Variants in PNPO observed in about 807,000 individuals in gnomAD.
PNPO encodes the protein pyridoxine-5'-phosphate oxidase.
Under a neutral mutation model 35.0 loss-of-function variants are expected in PNPO, and 39 were observed. The observed-to-expected ratio is 1.11, with a 90% CI of 0.86 to 1.45. The LOEUF is 1.45. Ranked by LOEUF, PNPO falls within the 40% of genes most tolerant of loss-of-function variation. The pLI is 0.00. For missense variants in PNPO, 288 were observed against 340.0 expected (o/e 0.85, Z 1.20); for synonymous variants, 115 against 119.8 (o/e 0.96, Z 0.26).
In PNPO at chr17:47,949,285, A is replaced by C. The variant is rs1483529820; in HGVS notation, c.*2503A>C. The C allele has an allele frequency of 6.6e-6, 1 of 152,242 alleles. No homozygotes were observed. The highest frequency in any genetic ancestry group is 1.5e-5 in the Non-Finnish European group (1 of 68,082). The allele number at this position is 152,242 out of a possible 1,614,324, so 9.4% of individuals were successfully genotyped here. On this transcript the variant is annotated 3_prime_UTR_variant, in exon 7 of 7. Coordinates refer to ENST00000642017, the MANE Select transcript of PNPO (RefSeq NM_018129.4). ...CCGTTACCGCCCCCAGTCTGTAATA[A>C]AAGCCTATCAGCCGTGCACTTTATT...
At position 47,946,721 on chromosome 17, in the gene PNPO, C is replaced by G. The variant is rs1313548105; in HGVS notation, c.725C>G (p.Pro242Arg). Reference protein sequence around the residue: ...FRRGLPTGDSPLGPMTHRGEE... With the variant: ...FRRGLPTGDSRLGPMTHRGEE... Reference sequence around the variant, plus strand: ...CGGGGCCTACCCACAGGAGATTCCCCTTTGGGGCCCATGACCCACCGCGGG... The same window carrying G: ...CGGGGCCTACCCACAGGAGATTCCCGTTTGGGGCCCATGACCCACCGCGGG... Residue 242 changes from proline (P) to arginine (R), a missense_variant, in exon 7 of 7, where the codon CCT (proline) becomes CGT (arginine). Transcript: ENST00000642017. 1.2e-6 allele frequency: 2 copies of G among 1,614,200 alleles called. No homozygotes were observed. The highest frequency in any genetic ancestry group is 1.7e-6 in the Non-Finnish European group (2 of 1,180,024).
At chr17:47,943,227 TG>T in intron 1 of PNPO, 78 bp from the exon 2 acceptor site, 1 of 1,204,680 alleles carries the variant, frequency 8.3e-7, no homozygotes, top group Non-Finnish European at 1.2e-6. Context: ...AGTTGATTTT[TG>T]AAAAGTGACT....
intron 1 of PNPO, chr17:47,942,031 A>G (rs1464543142): frequency 7.5e-7 from 1 of 1,325,966 alleles, no homozygotes; most frequent in African/African-American, 1.5e-5. Flanking sequence ...GATGGGTTCA[A>G]AAGGCAGCCT....
Position 47,945,974 on chromosome 17 carries a change from G to T in PNPO, c.531G>T (p.Val177=). The change falls in exon 5 of 7, where the codon GTG becomes GTT. Residue 177 remains valine (V), a synonymous_variant. Coordinates refer to ENST00000642017, the MANE Select transcript of PNPO (RefSeq NM_018129.4). The surrounding 1 kb of genome is among the most constrained non-coding windows in gnomAD (Gnocchi z 4.0). ...CTGTGGTCAGCCACCAGAGTTCTGT[G>T]ATCCCTGATCGGGAGGTGAGTGGAG... ...IGAVVSHQSS[V]IPDREYLRKK... is the part of the protein sequence containing the mutation. The T allele has an allele frequency of 6.2e-7, 1 of 1,613,984 alleles. No homozygotes were observed. Among genetic ancestry groups the T allele is most frequent in the South Asian group, 1.1e-5 (1 of 91,068 alleles).
Position 47,945,915 on chromosome 17 carries a change from T to C in PNPO, c.472T>C (p.Phe158Leu). ...GCCTGAGGAGGAGGCTGAGTGCTACTTCCACTCCCGCCCCAAGAGCAGCCA... is the reference window on the plus strand; with the variant it reads ...GCCTGAGGAGGAGGCTGAGTGCTACCTCCACTCCCGCCCCAAGAGCAGCCA... ...KLPEEEAECY[F>L]HSRPKSSQIG... Residue 158 changes from phenylalanine to leucine, a missense_variant, in exon 5 of 7, where the codon TTC (phenylalanine) becomes CTC (leucine). Transcript: ENST00000642017. This position sits in a 1 kb window ranked among gnomAD's most constrained non-coding sequence, Gnocchi z 4.0. 1 of 1,613,944 alleles carries C rather than the reference T, an allele frequency of 6.2e-7. No homozygotes were observed. Among genetic ancestry groups the C allele is most frequent in the Non-Finnish European group, 8.5e-7 (1 of 1,179,996 alleles).
chr17:47,944,667 T>C lies in PNPO; in HGVS notation c.315T>C (p.Asp105=), dbSNP rs1598198278. 2 of 1,614,160 alleles carry C rather than the reference T, an allele frequency of 1.2e-6. No individual in the cohort carries two copies. The highest frequency in any genetic ancestry group is 1.6e-4 in the Middle Eastern group (1 of 6,062). ...TGCTGCTGAAGGGCTTCGGGAAAGA[T>C]GGCTTCCGCTTCTTCACTAACTTCG... The part of the protein sequence containing the change: ...RMLLLKGFGK[D]GFRFFTNFES... Residue 105 remains aspartate (D), a synonymous_variant, in exon 3 of 7, where the codon GAT becomes GAC. Coordinates refer to ENST00000642017, the MANE Select transcript of PNPO (RefSeq NM_018129.4).
chr17:47,944,602 C>T lies in PNPO; in HGVS notation c.264-14C>T. On this transcript the variant is annotated splice_polypyrimidine_tract_variant and intron_variant, in intron 2 of 6. Coordinates refer to ENST00000642017, the MANE Select transcript of PNPO (RefSeq NM_018129.4). ...AGCAGACTCTGACCACAGTGCTCTGCTCTTTGCTCCTAGAGATGGAAAACC... is the reference window on the plus strand; with the variant it reads ...AGCAGACTCTGACCACAGTGCTCTGTTCTTTGCTCCTAGAGATGGAAAACC... The T allele has an allele frequency of 1.9e-6, 3 of 1,604,152 alleles. No homozygotes were observed. Among genetic ancestry groups the T allele is most frequent in the South Asian group, 1.1e-5 (1 of 90,836 alleles).
rs906297110 is a variant in PNPO at position 47,949,234 on chromosome 17, A to C, written c.*2452A>C. 6.6e-6 allele frequency: 1 copy of C among 152,348 alleles called. No homozygotes were observed. The highest frequency in any genetic ancestry group is 1.5e-5 in the Non-Finnish European group (1 of 68,170). The allele number at this position is 152,348 out of a possible 1,614,324, so 9.4% of individuals were successfully genotyped here. On this transcript the variant is annotated 3_prime_UTR_variant, in exon 7 of 7. Transcript: ENST00000642017. ...CCCCTAGCTTTGAGCCTGGTCTCAG[A>C]TGTTCCTTTTCCGTTCTCTGTCCAG...
Position 47,941,666 on chromosome 17 carries a change from GCGGCCCC to G in PNPO, c.-8_-2del, listed in dbSNP as rs2035935604. ...GGGCCACAGCCGGGTCACGTGGCCGGCGGCCCCCCATGACGTGCTGGCTGCGGGGCGT... is the reference window on the plus strand; with the variant it reads ...GGGCCACAGCCGGGTCACGTGGCCGGCCATGACGTGCTGGCTGCGGGGCGT... On this transcript the variant is annotated 5_prime_UTR_variant, in exon 1 of 7. Coordinates refer to ENST00000642017, the MANE Select transcript of PNPO (RefSeq NM_018129.4). The G allele has an allele frequency of 3.9e-6, 6 of 1,524,798 alleles. No individual in the cohort carries two copies. The South Asian group carries it at 7.2e-5, about 18-fold the overall frequency. 94.5% of individuals were successfully genotyped at this position (1,524,798 alleles called of 1,614,324 possible).
rs1297985528 is a variant in PNPO, at chr17:47,946,009, A to T, written c.546+20A>T. 1.2e-6 allele frequency: 2 copies of T among 1,613,324 alleles called. No homozygotes were observed. The highest frequency in any genetic ancestry group is 1.7e-6 in the Non-Finnish European group (2 of 1,179,984). Reference sequence around the variant, plus strand: ...CGGGAGGTGAGTGGAGCTCCGCTGTAGTCCTCCAGGTGGTGGAGGCTTTGG... The same window carrying T: ...CGGGAGGTGAGTGGAGCTCCGCTGTTGTCCTCCAGGTGGTGGAGGCTTTGG... On this transcript the variant is annotated intron_variant, in intron 5 of 6. Transcript: ENST00000642017.
intron 2 of PNPO, among the ~76,000 whole-genome samples, chr17:47,944,201 G>C (rs984339216): frequency 6.7e-3 from 86 of 12,824 alleles, no homozygotes; most frequent in African/African-American, 0.022. Flanking sequence ...ACTGCCTTTC[G>C]TGTGTGTGTG....
chr17:47,948,148 C>T lies in PNPO; in HGVS notation c.*1366C>T, dbSNP rs1263652546. The T allele has an allele frequency of 1.3e-5, 2 of 152,158 alleles. No individual in the cohort carries two copies. The highest frequency in any genetic ancestry group is 2.9e-5 in the Non-Finnish European group (2 of 68,040). 9.4% of individuals were successfully genotyped at this position (152,158 alleles called of 1,614,324 possible). On this transcript the variant is annotated 3_prime_UTR_variant, in exon 7 of 7. Coordinates refer to ENST00000642017, the MANE Select transcript of PNPO (RefSeq NM_018129.4). ...GTCCGTCAGGAATTTTGTAGAAGGG[C>T]TTCATGTGCTGGTACCAATAGGACA...
rs1650281473 is a variant in PNPO, at chr17:47,946,994, C to G, written c.*212C>G. On this transcript the variant is annotated 3_prime_UTR_variant, in exon 7 of 7. Transcript: ENST00000642017. ...AGTGTAATGGTGGCGTAGAGAATCA[C>G]AAATGGAAAATAATTCCATAATTAT... is the stretch of plus-strand genomic sequence containing the variant. 1 of 586,776 alleles carries G rather than the reference C, an allele frequency of 1.7e-6. No individual in the cohort carries two copies. Among genetic ancestry groups the G allele is most frequent in the Non-Finnish European group, 3.0e-6 (1 of 329,440 alleles). The allele number at this position is 586,776 out of a possible 1,614,324, so 36.3% of individuals were successfully genotyped here.
chr17:47,946,616 G>T lies in PNPO; in HGVS notation c.620G>T (p.Gly207Val). 1 of 1,614,166 alleles carries T rather than the reference G, an allele frequency of 6.2e-7. No homozygotes were observed. The highest frequency in any genetic ancestry group is 8.5e-7 in the Non-Finnish European group (1 of 1,179,968). ...GAAACCTCTGCTTCTCCTTATAGGG[G>T]TGGCTATGTCCTGTACCCTCAGGTG... is the stretch of plus-strand genomic sequence containing the variant. ...DQEVPKPKSW[G>V]GYVLYPQVME... The change falls in exon 7 of 7, where the codon GGT becomes GTT. Residue 207 changes from glycine (G) to valine (V), a missense_variant and splice_region_variant. Coordinates refer to ENST00000642017, the MANE Select transcript of PNPO (RefSeq NM_018129.4).
chr17:47,946,667 A>G lies in PNPO; in HGVS notation c.671A>G (p.Asn224Ser). 6.2e-7 allele frequency: 1 copy of G among 1,614,106 alleles called. No homozygotes were observed. Among genetic ancestry groups the G allele is most frequent in the Non-Finnish European group, 8.5e-7 (1 of 1,179,986 alleles). Residue 224 changes from asparagine to serine, a missense_variant, in exon 7 of 7, where the codon AAC becomes AGC. Physicochemically the swap from Asn to Ser is conservative, Grantham distance 46. Coordinates refer to ENST00000642017, the MANE Select transcript of PNPO (RefSeq NM_018129.4). ...QVMEFWQGQT[N>S]RLHDRIVFRR... The stretch of plus-strand genomic sequence containing the variant: ...ATGGAGTTCTGGCAAGGTCAAACCA[A>G]CCGCCTGCATGACCGGATAGTCTTT...
chr17:47,942,797 G>A (rs776208997), intron 1 of PNPO, among the ~76,000 whole-genome samples: 6 of 152,112 alleles, frequency 3.9e-5, no homozygotes, highest in East Asian at 3.8e-4. Context: ...ATGTTGGAGC[G>A]TGCCTGTAAT....
In PNPO at chr17:47,946,882, C is replaced by A; in HGVS notation, c.*100C>A. 1 of 1,065,088 alleles carries A rather than the reference C, an allele frequency of 9.4e-7. No individual in the cohort carries two copies. The highest frequency in any genetic ancestry group is 1.3e-5 in the South Asian group (1 of 78,056). The allele number at this position is 1,065,088 out of a possible 1,614,324, so 66.0% of individuals were successfully genotyped here. On this transcript the variant is annotated 3_prime_UTR_variant, in exon 7 of 7. Coordinates refer to ENST00000642017, the MANE Select transcript of PNPO (RefSeq NM_018129.4). ...TTCTTTCTAAACTCAACCCATTTCC[C>A]TCCCTACCCCTTATCTTCAGGACTC... is the stretch of plus-strand genomic sequence containing the variant.
intron 6 of PNPO, 33 bp from the exon 7 acceptor site, chr17:47,946,578 TCCA>T (rs1204785792): frequency 6.2e-7 from 1 of 1,610,120 alleles, no homozygotes; most frequent in South Asian, 1.1e-5. Flanking sequence ...GCTAGAAAAC[TCCA>T]CAGAGCACTG....
intron 1 of PNPO, 143 bp from the exon 2 acceptor site, chr17:47,943,163 C>A (rs762527543): frequency 3.1e-6 from 2 of 635,856 alleles, no homozygotes; most frequent in Non-Finnish European, 5.6e-6. Flanking sequence ...GGCACAGAAT[C>A]TTCTTACTGC....
Sources: allele counts gnomAD v4.1 joint callset (sites outside exome capture counted in the v4.1 genomes callset), GRCh38; gene constraint gnomAD v4.1.1; non-coding constraint Gnocchi (gnomAD v3.1); transcripts MANE v1.5; gene names NCBI Gene and HGNC (gene_info 2026-07-23, HGNC 2026-07-21).